The following ENTREP2 variants were observed in gnomAD, a reference collection of about 807,000 sequenced individuals.
ENTREP2 encodes endosomal transmembrane epsin interactor 2, also known as protein ENTREP2.
At chr15:29,424,182 A>C in the ENTREP2 span, among the ~76,000 whole-genome samples, 1 of 152,190 alleles carries the variant, frequency 6.6e-6, no homozygotes, top group African/African-American at 2.4e-5. Flanking sequence ...CCAAAGAGTG[A>C]GCAACAGCAA....
chr15:29,213,464 T>C, the ENTREP2 span, among the ~76,000 whole-genome samples: 1 of 152,150 alleles, frequency 6.6e-6, no homozygotes, highest in Non-Finnish European at 1.5e-5. Context: ...CTTTTATTTC[T>C]TTGAGCAGTG....
the ENTREP2 span, among the ~76,000 whole-genome samples, chr15:29,551,102 C>G: frequency 1.3e-5 from 2 of 152,194 alleles, no homozygotes; most frequent in Non-Finnish European, 2.9e-5. Context: ...TATGGCCACA[C>G]AACATGGTTT....
At chr15:29,156,246 G>A in the ENTREP2 span, among the ~76,000 whole-genome samples, 12 of 151,990 alleles carry the variant, frequency 7.9e-5, no homozygotes, top group African/African-American at 1.2e-4. Flanking sequence ...GTGCAGTAGC[G>A]TGATCTTGGC....
the ENTREP2 span, among the ~76,000 whole-genome samples, chr15:29,558,987 C>T: frequency 1.3e-5 from 2 of 151,906 alleles, no homozygotes; most frequent in African/African-American, 2.4e-5. Flanking sequence ...TTAGTAGTTA[C>T]GTTTTGGAGG....
chr15:29,234,902 T>C, the ENTREP2 span: 3 of 1,522,560 alleles, frequency 2.0e-6, no homozygotes, highest in South Asian at 2.2e-5. Context: ...GCTGTAGGGA[T>C]TACTAATTAC....
chr15:29,327,105 A>G, the ENTREP2 span, among the ~76,000 whole-genome samples: 1 of 152,240 alleles, frequency 6.6e-6, no homozygotes, highest in Admixed American at 6.5e-5. Context: ...GCAGAACTAT[A>G]AAAGTTCTTT....
the ENTREP2 span, chr15:29,269,365 T>C: frequency 1.2e-6 from 2 of 1,614,072 alleles, no homozygotes; most frequent in African/African-American, 2.7e-5. Flanking sequence ...CCCGATGACG[T>C]GCTTCAGTAT....
chr15:29,373,607 T>A, the ENTREP2 span: 1 of 151,760 alleles, frequency 6.6e-6, no homozygotes, highest in African/African-American at 2.4e-5. Flanking sequence ...TTCTCTTTAT[T>A]ATTTTTTTAT....
chr15:29,633,974 G>A, the ENTREP2 span, among the ~76,000 whole-genome samples: 3 of 152,038 alleles, frequency 2.0e-5, no homozygotes, highest in Admixed American at 2.0e-4. Context: ...AAGAAAAAAC[G>A]GGGTGGGGGT....
chr15:29,326,256 G>A, the ENTREP2 span, among the ~76,000 whole-genome samples: 34,303 of 151,952 alleles, frequency 0.23, 7,726 homozygotes, highest in African/African-American at 0.59. Context: ...GAAATAAAAG[G>A]TACATAGATT....
chr15:29,594,212 G>A, the ENTREP2 span, among the ~76,000 whole-genome samples: 1 of 152,178 alleles, frequency 6.6e-6, no homozygotes, highest in Admixed American at 6.5e-5. Flanking sequence ...AAACAGATAG[G>A]GAGGATAAGT....
the ENTREP2 span, among the ~76,000 whole-genome samples, chr15:29,147,497 G>C: frequency 6.6e-6 from 1 of 151,140 alleles, no homozygotes; most frequent in Non-Finnish European, 1.5e-5. Context: ...TGGATGTGAA[G>C]AAACTGGAAC....
chr15:29,120,792 C>T, the ENTREP2 span: 1 of 152,302 alleles, frequency 6.6e-6, no homozygotes, highest in Non-Finnish European at 1.5e-5. Flanking sequence ...GGGAAGCAGC[C>T]AGCTTTCTCC....
chr15:29,324,048 G>A, the ENTREP2 span, among the ~76,000 whole-genome samples: 1 of 151,756 alleles, frequency 6.6e-6, no homozygotes, highest in African/African-American at 2.4e-5. Context: ...ACCAGAAAGG[G>A]CAGGGAAAAA....
the ENTREP2 span, among the ~76,000 whole-genome samples, chr15:29,652,640 A>G: frequency 6.6e-6 from 1 of 152,166 alleles, no homozygotes; most frequent in East Asian, 1.9e-4. Flanking sequence ...GCACTACTGC[A>G]TTCCCCCCAG....
the ENTREP2 span, among the ~76,000 whole-genome samples, chr15:29,226,931 CAG>C: frequency 6.6e-6 from 1 of 152,200 alleles, no homozygotes; most frequent in Non-Finnish European, 1.5e-5. Flanking sequence ...TAGTAACAAA[CAG>C]AATCATGAAA....
chr15:29,210,516 C>T, the ENTREP2 span, among the ~76,000 whole-genome samples: 31 of 152,316 alleles, frequency 2.0e-4, no homozygotes, highest in East Asian at 5.8e-4. Flanking sequence ...CTCATAGGAG[C>T]GCGATTCCTA....
chr15:29,151,890 G>A, the ENTREP2 span: 1 of 1,416,494 alleles, frequency 7.1e-7, no homozygotes, highest in Non-Finnish European at 9.7e-7. Context: ...GAAATAGATA[G>A]CAGAATCCTT....
chr15:29,224,099 C>G, the ENTREP2 span, among the ~76,000 whole-genome samples: 3 of 152,288 alleles, frequency 2.0e-5, no homozygotes, highest in Middle Eastern at 3.4e-3. Flanking sequence ...TTTGTTCCTT[C>G]TGGTGTTCGG....
Sources: allele counts gnomAD v4.1 joint callset (sites outside exome capture counted in the v4.1 genomes callset), GRCh38; gene constraint gnomAD v4.1.1; transcripts MANE v1.5; gene names NCBI Gene and HGNC (gene_info 2026-07-23, HGNC 2026-07-21).